The following CCDC90B variants were observed in gnomAD, a reference collection of about 807,000 sequenced individuals.
CCDC90B encodes coiled-coil domain-containing protein 90B, mitochondrial.
Under a neutral mutation model 37.0 loss-of-function variants are expected in CCDC90B, and 24 were observed. The ratio of observed to expected loss-of-function variants is 0.65; its 90% CI spans 0.47 to 0.91. The LOEUF is 0.91. Ranked by LOEUF, CCDC90B falls within the 40% of genes least tolerant of loss-of-function variation. The pLI, the probability that CCDC90B is intolerant of heterozygous loss-of-function variation, is 0.00. For missense variants in CCDC90B, 319 were observed against 299.0 expected, an observed-to-expected ratio of 1.07 and a Z score of -0.49; for synonymous variants, 113 against 101.1, an observed-to-expected ratio of 1.12 and a Z score of -0.71.
chr11:83,275,135 C>T (rs377696937), intron 3 of CCDC90B, among the ~76,000 whole-genome samples: 33 of 152,036 alleles, frequency 2.2e-4, no homozygotes, highest in African/African-American at 6.5e-4. Context: ...GTATTGGATA[C>T]GACTCAGAAG....
Position 83,286,180 on chromosome 11 carries a change from C to G in CCDC90B, c.-208G>C. 6.5e-7 allele frequency: 1 copy of G among 1,534,666 alleles called. No homozygotes were observed. The highest frequency in any genetic ancestry group is 8.7e-7 in the Non-Finnish European group (1 of 1,145,806). On this transcript the variant is annotated 5_prime_UTR_variant, in exon 1 of 9. Transcript: ENST00000529689. Reference sequence around the variant, plus strand: ...CCCACAGTTCGCGAGCATGGCTCAGCGCTGCCCCGCTTCTCCCAGCGCCCC... The same window carrying G: ...CCCACAGTTCGCGAGCATGGCTCAGGGCTGCCCCGCTTCTCCCAGCGCCCC...
intron 3 of CCDC90B, among the ~76,000 whole-genome samples, chr11:83,275,463 A>T (rs937971454): frequency 2.6e-5 from 4 of 151,598 alleles, no homozygotes; most frequent in Non-Finnish European, 5.9e-5. Flanking sequence ...TGTGCATTGG[A>T]GTATTTTGGA....
Position 83,259,280 on chromosome 11 carries a change from A to G in CCDC90B, c.*2631T>C, listed in dbSNP as rs1263607158. The G allele has an allele frequency of 6.6e-6, 1 of 152,194 alleles. No individual in the cohort carries two copies. The highest frequency in any genetic ancestry group is 1.5e-5 in the Non-Finnish European group (1 of 68,024). 9.4% of individuals were successfully genotyped at this position (152,194 alleles called of 1,614,324 possible). On this transcript the variant is annotated 3_prime_UTR_variant, in exon 9 of 9. Transcript: ENST00000529689. ...ATAGAAACACAATCCTCTCATCCTTATTTCATATATTTCCATCACTGAAAC... is the reference window on the plus strand; with the variant it reads ...ATAGAAACACAATCCTCTCATCCTTGTTTCATATATTTCCATCACTGAAAC...
chr11:83,284,888 G>C (rs988013629), intron 1 of CCDC90B, among the ~76,000 whole-genome samples: 2 of 152,160 alleles, frequency 1.3e-5, no homozygotes, highest in Admixed American at 6.5e-5. Context: ...CCTCCTTTTT[G>C]TAAAATCCAT....
Position 83,286,253 on chromosome 11 carries a change from T to G in CCDC90B, c.-281A>C. 1 of 1,445,062 alleles carries G rather than the reference T, an allele frequency of 6.9e-7. No individual in the cohort carries two copies. Among genetic ancestry groups the G allele is most frequent in the South Asian group, 1.2e-5 (1 of 80,824 alleles). The allele number at this position is 1,445,062 out of a possible 1,614,324, so 89.5% of individuals were successfully genotyped here. On this transcript the variant is annotated 5_prime_UTR_variant, in exon 1 of 9. Transcript: ENST00000529689. ...ACCGCCCTAGGAAAGCGAGATCTTG[T>G]CAGAGAACCTTCCGGCGCCTGTTTC...
At position 83,265,929 on chromosome 11, in the gene CCDC90B, A is replaced by C; in HGVS notation, c.645T>G (p.Ala215=). ...TCAGTGTTTTTAAGGAAGCAATTTCAGCGTCAATTTTATTACTGGTCTCTG... is the reference window on the plus strand; with the variant it reads ...TCAGTGTTTTTAAGGAAGCAATTTCCGCGTCAATTTTATTACTGGTCTCTG... The part of the protein sequence containing the change: ...IISETSNKID[A]EIASLKTLME... Residue 215 remains alanine, a synonymous_variant, in exon 8 of 9, where the codon GCT becomes GCG. Transcript: ENST00000529689. 6.2e-7 allele frequency: 1 copy of C among 1,612,818 alleles called. No homozygotes were observed. Among genetic ancestry groups the C allele is most frequent in the Non-Finnish European group, 8.5e-7 (1 of 1,179,284 alleles).
At chr11:83,285,506 T>A in intron 1 of CCDC90B, 1 of 1,127,732 alleles carries the variant, frequency 8.9e-7, no homozygotes, top group Non-Finnish European at 1.1e-6. Context: ...AAATCAAAAT[T>A]TGATCAGGCC....
intron 8 of CCDC90B, 125 bp from the exon 9 acceptor site, chr11:83,262,091 G>T: frequency 1.6e-6 from 1 of 609,878 alleles, no homozygotes; most frequent in Non-Finnish European, 2.8e-6. Flanking sequence ...TCTATCCTAT[G>T]TTTTTTATTC....
At chr11:83,270,622 C>G (rs1864597025) in intron 7 of CCDC90B, among the ~76,000 whole-genome samples, 1 of 152,186 alleles carries the variant, frequency 6.6e-6, no homozygotes, top group Admixed American at 6.5e-5. Context: ...AGGACAACTT[C>G]AAACCACTGC....
At chr11:83,273,377 A>T (rs1864808405) in intron 7 of CCDC90B, 1 of 229,106 alleles carries the variant, frequency 4.4e-6, no homozygotes, top group Non-Finnish European at 8.4e-6. Flanking sequence ...GGCCCAAAAA[A>T]TAGTTATTTT....
chr11:83,279,197 T>C (rs1865229555), intron 2 of CCDC90B, among the ~76,000 whole-genome samples: 1 of 151,692 alleles, frequency 6.6e-6, no homozygotes, highest in African/African-American at 2.4e-5. Flanking sequence ...AGGAGAATGG[T>C]GTGAACCTGG....
chr11:83,261,576 A>G lies in CCDC90B; in HGVS notation c.*335T>C, dbSNP rs920557053. 5 of 177,252 alleles carry G rather than the reference A, an allele frequency of 2.8e-5. No homozygotes were observed. Among genetic ancestry groups the G allele is most frequent in the African/African-American group, 1.2e-4 (5 of 42,466 alleles). 11.0% of individuals were successfully genotyped at this position (177,252 alleles called of 1,614,324 possible). On this transcript the variant is annotated 3_prime_UTR_variant, in exon 9 of 9. Coordinates refer to ENST00000529689, the MANE Select transcript of CCDC90B (RefSeq NM_021825.5). ...GTTTACAAATATTCAACCAATACCC[A>G]CAAAATCCTGTATGATTTACACAAC...
chr11:83,264,865 AC>A (rs1864154107), intron 8 of CCDC90B, among the ~76,000 whole-genome samples: 1 of 150,124 alleles, frequency 6.7e-6, no homozygotes, highest in African/African-American at 2.4e-5. Flanking sequence ...AGAACAAAAA[AC>A]CAAACACTGC....
chr11:83,268,671 A>G (rs1864449612), intron 7 of CCDC90B, among the ~76,000 whole-genome samples: 1 of 152,132 alleles, frequency 6.6e-6, no homozygotes, highest in African/African-American at 2.4e-5. Flanking sequence ...AGACTTTAAC[A>G]CTCCACTGTC....
chr11:83,280,240 T>C lies in CCDC90B; in HGVS notation c.121A>G (p.Lys41Glu), dbSNP rs368318377. ...LRREFFTTTT[K>E]EGYDRRPVDI... ...ACTGGCCGCCTATCATATCCCTCCT[T>C]GGTTGTGGTAGTGAAGAACTCTGAA... The change falls in exon 2 of 9, where the codon AAG becomes GAG. Residue 41 changes from lysine to glutamate, a missense_variant. Physicochemically the swap from Lys to Glu is moderately conservative, Grantham distance 56 (BLOSUM62 1). Coordinates refer to ENST00000529689, the MANE Select transcript of CCDC90B (RefSeq NM_021825.5). 8 of 1,613,186 alleles carry C rather than the reference T, an allele frequency of 5.0e-6. No homozygotes were observed. The highest frequency in any genetic ancestry group is 6.8e-6 in the Non-Finnish European group (8 of 1,179,612).
At chr11:83,276,290 T>C (rs745447526) in intron 3 of CCDC90B, among the ~76,000 whole-genome samples, 32 of 152,182 alleles carry the variant, frequency 2.1e-4, no homozygotes, top group East Asian at 1.9e-4. Flanking sequence ...TGAGATTACA[T>C]AGAAGTTGGA....
intron 1 of CCDC90B, among the ~76,000 whole-genome samples, chr11:83,283,259 C>T (rs1031574233): frequency 6.6e-6 from 1 of 152,132 alleles, no homozygotes; most frequent in African/African-American, 2.4e-5. Context: ...AGCATTTGGC[C>T]CTCCTTGAGA....
intron 8 of CCDC90B, 75 bp from the exon 9 acceptor site, chr11:83,262,041 C>G: frequency 9.6e-7 from 1 of 1,044,956 alleles, no homozygotes; most frequent in South Asian, 1.6e-5. Context: ...ATAATGTTAT[C>G]TTTAAGTGAA....
chr11:83,269,463 A>G (rs1409306532), intron 7 of CCDC90B, among the ~76,000 whole-genome samples: 2 of 152,176 alleles, frequency 1.3e-5, no homozygotes, highest in East Asian at 3.9e-4. Flanking sequence ...GCAACAAAAA[A>G]TGATAAAGGG....
Sources: gnomAD v4.1 joint callset for allele counts (sites outside exome capture counted in the v4.1 genomes callset) on GRCh38, gnomAD v4.1.1 for gene constraint, MANE v1.5 for transcripts, NCBI Gene and HGNC (gene_info 2026-07-23, HGNC 2026-07-21) for gene names.